MAPK8: variants seen among roughly 807,000 people sequenced by gnomAD.
The protein encoded by MAPK8 is mitogen-activated protein kinase 8.
MAPK8 carries 13 observed loss-of-function variants against 52.9 expected under a neutral mutation model. The observed-to-expected ratio is 0.25, with a 90% CI of 0.16 to 0.39. The LOEUF (loss-of-function observed/expected upper bound fraction) is 0.39, where lower values mean the gene tolerates loss of function less well. MAPK8 is among the 10% of genes least tolerant of loss of function. The pLI is 1.00. For missense variants in MAPK8, 300 were observed against 519.2 expected, an observed-to-expected ratio of 0.58 and a Z score of 4.10; for synonymous variants, 191 against 169.8, an observed-to-expected ratio of 1.12 and a Z score of -0.97.
At chr10:48,397,376 G>A (rs574580208) in intron 1 of MAPK8, among the ~76,000 whole-genome samples, 4 of 151,542 alleles carry the variant, frequency 2.6e-5, no homozygotes, top group Admixed American at 1.3e-4. Flanking sequence ...GGCTGGTCTC[G>A]AACTCCTGGG....
intron 1 of MAPK8, among the ~76,000 whole-genome samples, chr10:48,390,655 G>A (rs946435894): frequency 1.4e-4 from 22 of 152,144 alleles, no homozygotes; most frequent in Admixed American, 1.3e-4. Flanking sequence ...TTTTATGGAC[G>A]GGGCGGAGCG....
intron 1 of MAPK8, among the ~76,000 whole-genome samples, chr10:48,401,123 A>G (rs780143689): frequency 2.6e-5 from 4 of 152,216 alleles, no homozygotes; most frequent in Non-Finnish European, 5.9e-5. Context: ...TTAGGCAAGG[A>G]TGACACATGC....
intron 1 of MAPK8, among the ~76,000 whole-genome samples, chr10:48,400,508 A>G (rs1229809498): frequency 6.6e-6 from 1 of 152,142 alleles, no homozygotes; most frequent in African/African-American, 2.4e-5. Context: ...AGTACAATCT[A>G]CATGTCGCAG....
chr10:48,310,866 AT>A (rs1656020099), intron 1 of MAPK8, among the ~76,000 whole-genome samples: 1 of 152,128 alleles, frequency 6.6e-6, no homozygotes, highest in South Asian at 2.1e-4. Flanking sequence ...AATACAAGAG[AT>A]ACCTGTGTTT....
intron 3 of MAPK8, among the ~76,000 whole-genome samples, chr10:48,409,573 A>G (rs1185314030): frequency 5.9e-5 from 9 of 152,180 alleles, no homozygotes; most frequent in Non-Finnish European, 1.2e-4. Context: ...GGTAGAAGGG[A>G]TTTAAGATTT....
At chr10:48,403,226 G>A (rs188583827) in intron 2 of MAPK8, among the ~76,000 whole-genome samples, 31 of 152,234 alleles carry the variant, frequency 2.0e-4, no homozygotes, top group African/African-American at 7.0e-4. Context: ...TTGGGAGGCC[G>A]AGGTGGGTGG....
At chr10:48,416,384 C>T (rs553174472) in intron 5 of MAPK8, among the ~76,000 whole-genome samples, 5 of 152,286 alleles carry the variant, frequency 3.3e-5, no homozygotes, top group Non-Finnish European at 5.9e-5. Flanking sequence ...TAAGGAAACT[C>T]GGAAATGTGG....
chr10:48,328,037 G>A (rs1706555109), intron 1 of MAPK8, among the ~76,000 whole-genome samples: 1 of 151,754 alleles, frequency 6.6e-6, no homozygotes, highest in South Asian at 2.1e-4. Context: ...TTTTTTTTGA[G>A]ACAAAGAGTC....
At chr10:48,320,765 G>A (rs1247502631) in intron 1 of MAPK8, among the ~76,000 whole-genome samples, 1 of 152,112 alleles carries the variant, frequency 6.6e-6, no homozygotes, top group Non-Finnish European at 1.5e-5. Flanking sequence ...GGTCATATGG[G>A]TAACTCTATG....
At chr10:48,331,220 A>G (rs1293713986) in intron 1 of MAPK8, among the ~76,000 whole-genome samples, 1 of 152,172 alleles carries the variant, frequency 6.6e-6, no homozygotes, top group African/African-American at 2.4e-5. Context: ...TGCGAGAGCT[A>G]TCCCTGATTT....
chr10:48,422,018 T>TC (rs1290537030), intron 6 of MAPK8, among the ~76,000 whole-genome samples: 12 of 146,778 alleles, frequency 8.2e-5, no homozygotes, highest in Admixed American at 7.4e-4. Context: ...TATTTATTTA[T>TC]TTATTTATTT....
intron 1 of MAPK8, among the ~76,000 whole-genome samples, chr10:48,316,973 C>T (rs981293443): frequency 2.0e-5 from 3 of 152,228 alleles, no homozygotes; most frequent in Middle Eastern, 3.4e-3. Flanking sequence ...TATCATATAC[C>T]AGGCACTGTT....
At chr10:48,335,376 A>G (rs931553633) in intron 1 of MAPK8, among the ~76,000 whole-genome samples, 3 of 152,198 alleles carry the variant, frequency 2.0e-5, no homozygotes, top group Non-Finnish European at 4.4e-5. Context: ...CTTTGTTTAA[A>G]AAGTATAAAG....
intron 1 of MAPK8, among the ~76,000 whole-genome samples, chr10:48,327,809 A>G (rs1436272869): frequency 6.6e-6 from 1 of 152,210 alleles, no homozygotes; most frequent in Non-Finnish European, 1.5e-5. Flanking sequence ...TTAATAGTTA[A>G]CAGGTTTGTT....
At chr10:48,399,685 CAG>C (rs2042061745) in intron 1 of MAPK8, among the ~76,000 whole-genome samples, 1 of 152,186 alleles carries the variant, frequency 6.6e-6, no homozygotes, top group South Asian at 2.1e-4. Context: ...CTCTGAAACA[CAG>C]TGTTTTGTTA....
At chr10:48,392,427 A>C (rs1312930948) in intron 1 of MAPK8, among the ~76,000 whole-genome samples, 1 of 152,054 alleles carries the variant, frequency 6.6e-6, no homozygotes, top group African/African-American at 2.4e-5. Flanking sequence ...TGTTCCCTAT[A>C]TATACAATAC....
intron 6 of MAPK8, among the ~76,000 whole-genome samples, chr10:48,422,006 CTTATTTATTTA>C (rs1387664783): frequency 6.9e-6 from 1 of 143,956 alleles, no homozygotes; most frequent in East Asian, 2.1e-4. Flanking sequence ...TTTTATTTAT[CTTATTTATTTA>C]TTTATTTATT....
intron 9 of MAPK8, 100 bp from the exon 10 acceptor site, chr10:48,426,973 AATGATAT>A (rs1160286498): frequency 3.9e-6 from 3 of 761,428 alleles, no homozygotes; most frequent in African/African-American, 3.4e-5. Context: ...GTCTTGATCT[AATGATAT>A]ATTTTTATAA....
At chr10:48,391,963 G>A (rs1156412268) in intron 1 of MAPK8, among the ~76,000 whole-genome samples, 1 of 152,138 alleles carries the variant, frequency 6.6e-6, no homozygotes, top group Non-Finnish European at 1.5e-5. Flanking sequence ...ACCTTCCCAG[G>A]GCACGCCATC....
Sources: gnomAD v4.1 joint callset for allele counts (sites outside exome capture counted in the v4.1 genomes callset) on GRCh38, gnomAD v4.1.1 for gene constraint, MANE v1.5 for transcripts, NCBI Gene and HGNC (gene_info 2026-07-23, HGNC 2026-07-21) for gene names.